The following KCNU1 variants were observed in gnomAD, a reference collection of about 807,000 sequenced individuals.
The protein encoded by KCNU1 is potassium channel subfamily U member 1.
A neutral mutation model predicts 126.8 loss-of-function variants in KCNU1; 93 were observed. That is an observed-to-expected ratio of 0.73 (90% CI 0.62 to 0.87). KCNU1 has a LOEUF of 0.87. Ranked by LOEUF, KCNU1 falls within the 40% of genes least tolerant of loss-of-function variation. The pLI is 0.00. For synonymous variants in KCNU1, 523 were observed against 494.2 expected (o/e 1.06, Z -0.77); for missense variants, 1,330 against 1,367.1 (o/e 0.97, Z 0.43).
intron 9 of KCNU1, among the ~76,000 whole-genome samples, chr8:36,816,223 A>AT (rs935273087): frequency 9.9e-5 from 15 of 151,842 alleles, no homozygotes; most frequent in African/African-American, 4.8e-5. Flanking sequence ...TAGATGACTG[A>AT]TTTTTTTTCC....
intron 19 of KCNU1, among the ~76,000 whole-genome samples, chr8:36,894,204 A>G (rs1033122397): frequency 6.6e-6 from 1 of 152,122 alleles, no homozygotes; most frequent in South Asian, 2.1e-4. Flanking sequence ...CTTAATTTCA[A>G]TGAAAGTATA....
At position 36,834,601 on chromosome 8, in the gene KCNU1, C is replaced by T. The variant is rs75160751; in HGVS notation, c.1213-185C>T. 9.1e-4 allele frequency among the ~76,000 whole-genome samples: 139 copies of T among 152,302 alleles called. 7 individuals carry two copies. In the East Asian group the frequency reaches 0.023, roughly 25 times the overall value. On this transcript the variant is annotated intron_variant, in intron 11 of 26. Transcript: ENST00000399881. ...CCTAGCCCATCAGCTGCAACCCTTG[C>T]CCTTTGCAGCATTTGCAGGACAACA... is the stretch of plus-strand genomic sequence containing the variant.
intron 18 of KCNU1, among the ~76,000 whole-genome samples, chr8:36,863,421 C>G (rs1315582843): frequency 1.3e-5 from 2 of 152,106 alleles, no homozygotes; most frequent in Non-Finnish European, 2.9e-5. Flanking sequence ...TGATGACTGC[C>G]CCTTGATGTA....
intron 2 of KCNU1, among the ~76,000 whole-genome samples, chr8:36,797,858 A>T (rs1467665238): frequency 6.6e-6 from 1 of 152,158 alleles, no homozygotes; most frequent in Admixed American, 6.6e-5. Flanking sequence ...CCAGGTACTA[A>T]GCTATTGTCT....
chr8:36,903,105 A>G (rs894687779), intron 19 of KCNU1, among the ~76,000 whole-genome samples: 12 of 152,130 alleles, frequency 7.9e-5, no homozygotes, highest in Non-Finnish European at 1.3e-4. Context: ...ACCTGTTTCT[A>G]GTATCCCGTT....
At chr8:36,886,339 A>C (rs1806702190) in intron 19 of KCNU1, among the ~76,000 whole-genome samples, 1 of 152,236 alleles carries the variant, frequency 6.6e-6, no homozygotes, top group Admixed American at 6.5e-5. Context: ...CAAAATTGCA[A>C]AGAATGCAAA....
intron 19 of KCNU1, among the ~76,000 whole-genome samples, chr8:36,884,469 C>A (rs1806613469): frequency 6.6e-6 from 1 of 152,162 alleles, no homozygotes; most frequent in Admixed American, 6.5e-5. Flanking sequence ...GGCGCGGTGG[C>A]TCATGCCTGT....
intron 20 of KCNU1, among the ~76,000 whole-genome samples, 174 bp from the exon 21 acceptor site, chr8:36,909,137 C>T (rs1374552026): frequency 6.6e-6 from 1 of 152,108 alleles, no homozygotes; most frequent in Non-Finnish European, 1.5e-5. Context: ...GGTGTAATTG[C>T]ACCACTTGTG....
chr8:36,822,835 G>A (rs1804178261), intron 10 of KCNU1, among the ~76,000 whole-genome samples: 1 of 152,274 alleles, frequency 6.6e-6, no homozygotes, highest in Non-Finnish European at 1.5e-5. Context: ...TGTTTTATGA[G>A]TGGGCGCATA....
At chr8:36,840,430 T>A (rs753840894) in intron 14 of KCNU1, 33 bp from the exon 15 acceptor site, 1 of 1,036,758 alleles carries the variant, frequency 9.6e-7, no homozygotes, top group Admixed American at 1.9e-5. Flanking sequence ...TTCCTTGTCG[T>A]TTTGCTTCGT....
chr8:36,832,762 ATTTTT>A (rs1563283082), intron 10 of KCNU1, among the ~76,000 whole-genome samples: 1 of 151,340 alleles, frequency 6.6e-6, no homozygotes, highest in East Asian at 1.9e-4. Flanking sequence ...CATTTCTTTT[ATTTTT>A]ATTTCCTTGA....
intron 6 of KCNU1, 117 bp downstream of exon 6, chr8:36,807,567 A>C (rs1803551603): frequency 1.3e-6 from 1 of 775,482 alleles, no homozygotes. Flanking sequence ...AAAGATCATG[A>C]AATCTCTCAG....
At chr8:36,849,044 C>G (rs1805249450) in intron 18 of KCNU1, among the ~76,000 whole-genome samples, 1 of 151,974 alleles carries the variant, frequency 6.6e-6, no homozygotes, top group Non-Finnish European at 1.5e-5. Flanking sequence ...GTTGTGTAGT[C>G]ATCACTACAA....
chr8:36,854,557 G>C (rs1805465669), intron 18 of KCNU1, among the ~76,000 whole-genome samples: 1 of 149,086 alleles, frequency 6.7e-6, no homozygotes, highest in African/African-American at 2.5e-5. Flanking sequence ...TGAACTCCAA[G>C]ATTTCTACTT....
chr8:36,825,143 C>T (rs1804272238), intron 10 of KCNU1, among the ~76,000 whole-genome samples: 1 of 152,126 alleles, frequency 6.6e-6, no homozygotes, highest in African/African-American at 2.4e-5. Context: ...TTAGAAACAG[C>T]AGTCTTTTTA....
At chr8:36,862,141 G>T (rs138870982) in intron 18 of KCNU1, among the ~76,000 whole-genome samples, 1 of 151,976 alleles carries the variant, frequency 6.6e-6, no homozygotes, top group Non-Finnish European at 1.5e-5. Flanking sequence ...AACTTTCCTC[G>T]CCTAAAATAG....
chr8:36,858,671 G>T (rs1016082503), intron 18 of KCNU1, among the ~76,000 whole-genome samples: 1 of 152,070 alleles, frequency 6.6e-6, no homozygotes, highest in African/African-American at 2.4e-5. Flanking sequence ...CTTTTTAGCT[G>T]ACTTTTATGA....
At position 36,926,999 on chromosome 8, in the gene KCNU1, C is replaced by T. The variant is rs191167490; in HGVS notation, c.2737-3952C>T. ...ATATTTTCAACTGGATATTAAGGGC[C>T]CTCTTCCTTCCCATGTATACTCAGA... On this transcript the variant is annotated intron_variant, in intron 24 of 26. Transcript: ENST00000399881. Among the ~76,000 whole-genome samples, 400 of 152,064 alleles carry T rather than the reference C, an allele frequency of 2.6e-3. 2 individuals are homozygous for T. The highest frequency in any genetic ancestry group is 9.4e-3 in the African/African-American group (389 of 41,490).
chr8:36,886,279 C>T (rs900951982), intron 19 of KCNU1, among the ~76,000 whole-genome samples: 1 of 152,172 alleles, frequency 6.6e-6, no homozygotes, highest in African/African-American at 2.4e-5. Context: ...ACACTGAACA[C>T]CTATTTACCT....
Sources: gnomAD v4.1 joint callset for allele counts (sites outside exome capture counted in the v4.1 genomes callset) on GRCh38, gnomAD v4.1.1 for gene constraint, MANE v1.5 for transcripts, NCBI Gene and HGNC (gene_info 2026-07-23, HGNC 2026-07-21) for gene names.